Variants in TMEM71 observed in about 807,000 individuals in gnomAD.
TMEM71 encodes transmembrane protein 71.
Under a neutral mutation model 38.0 loss-of-function variants are expected in TMEM71, and 44 were observed. The ratio of observed to expected loss-of-function variants is 1.16; its 90% confidence interval spans 0.91 to 1.49. The LOEUF (loss-of-function observed/expected upper bound fraction) is 1.49. Among genes scored for constraint, TMEM71 ranks in the 40% most tolerant of loss-of-function variants. The pLI is 0.00. For synonymous variants in TMEM71, 133 were observed against 122.5 expected (o/e 1.09, Z -0.56); for missense variants, 367 against 348.6 (o/e 1.05, Z -0.42).
At chr8:132,731,167 A>G (rs1471534071) in intron 5 of TMEM71, among the ~76,000 whole-genome samples, 1 of 152,184 alleles carries the variant, frequency 6.6e-6, no homozygotes, top group Non-Finnish European at 1.5e-5. Flanking sequence ...AGTGAAGGAG[A>G]AGAGACAAAA....
chr8:132,723,749 T>A (rs1282880053), intron 6 of TMEM71, among the ~76,000 whole-genome samples: 5 of 152,124 alleles, frequency 3.3e-5, no homozygotes. Context: ...TGGTACACAG[T>A]TTAGGTGAAG....
downstream of TMEM71, among the ~76,000 whole-genome samples, chr8:132,709,080 T>C (rs1215962127): frequency 6.6e-6 from 1 of 152,222 alleles, no homozygotes; most frequent in Non-Finnish European, 1.5e-5. Flanking sequence ...CGTAAACAGT[T>C]AGTACTATTT....
intron 5 of TMEM71, among the ~76,000 whole-genome samples, chr8:132,744,692 G>A (rs1828236573): frequency 6.6e-6 from 1 of 152,012 alleles, no homozygotes; most frequent in Admixed American, 6.6e-5. Context: ...TAAATTTCAT[G>A]TGGTACCAAA....
chr8:132,730,099 C>T (rs1409297182), intron 5 of TMEM71, among the ~76,000 whole-genome samples: 2 of 152,204 alleles, frequency 1.3e-5, no homozygotes, highest in South Asian at 2.1e-4. Flanking sequence ...GCTGGGATTA[C>T]AGGCATGTGC....
At chr8:132,775,388 A>T in the TMEM71 span, 6 of 375,212 alleles carry the variant, frequency 1.6e-5, no homozygotes, top group Non-Finnish European at 2.8e-5. Context: ...GCGTCGCGTC[A>T]GGGCTGGCCG....
At chr8:132,766,566 G>A in the TMEM71 span, among the ~76,000 whole-genome samples, 4 of 152,060 alleles carry the variant, frequency 2.6e-5, no homozygotes, top group Admixed American at 6.6e-5. Context: ...TTGGGAGGCC[G>A]AGGTAGGCGG....
intron 5 of TMEM71, among the ~76,000 whole-genome samples, chr8:132,732,846 A>T (rs1345998553): frequency 6.6e-6 from 1 of 152,140 alleles, no homozygotes; most frequent in Non-Finnish European, 1.5e-5. Context: ...GAGGCCAGGG[A>T]TGCTATTAAA....
At chr8:132,764,889 A>C (rs116313011), upstream of TMEM71, among the ~76,000 whole-genome samples, 284 of 152,358 alleles carry the variant, frequency 1.9e-3, 2 homozygotes, top group African/African-American at 6.4e-3. Context: ...TATCATTATC[A>C]TAGTAGGCAC....
upstream of TMEM71, among the ~76,000 whole-genome samples, chr8:132,764,897 C>T (rs753133441): frequency 4.6e-5 from 7 of 152,190 alleles, no homozygotes; most frequent in Non-Finnish European, 7.3e-5. Context: ...TCATAGTAGG[C>T]ACTTAATAAT....
At chr8:132,751,752 T>C in intron 4 of TMEM71, 33 bp downstream of exon 4, 1 of 1,582,400 alleles carries the variant, frequency 6.3e-7, no homozygotes, top group Non-Finnish European at 8.7e-7. Context: ...TGGATTGGAC[T>C]TCAGATTTCT....
At chr8:132,707,910 C>A (rs747808309), downstream of TMEM71, among the ~76,000 whole-genome samples, 1 of 152,098 alleles carries the variant, frequency 6.6e-6, no homozygotes, top group Non-Finnish European at 1.5e-5. Context: ...AGTACAGGAA[C>A]CTCGTCTGTA....
At chr8:132,766,338 C>T in the TMEM71 span, among the ~76,000 whole-genome samples, 2 of 147,924 alleles carry the variant, frequency 1.4e-5, no homozygotes. Context: ...TAGGGAAGTA[C>T]ACACCTCCAG....
At chr8:132,769,589 G>A in the TMEM71 span, among the ~76,000 whole-genome samples, 1 of 152,164 alleles carries the variant, frequency 6.6e-6, no homozygotes, top group Non-Finnish European at 1.5e-5. Flanking sequence ...AAGTAACTAT[G>A]TAATGAAGGT....
At chr8:132,757,159 G>T in intron 3 of TMEM71, 75 bp downstream of exon 3, 2 of 1,067,462 alleles carry the variant, frequency 1.9e-6, no homozygotes, top group Non-Finnish European at 2.8e-6. Flanking sequence ...GCCTCCCAAA[G>T]TGCTGGGATT....
chr8:132,751,928 G>A lies in TMEM71; in HGVS notation c.171C>T (p.Ser57=), dbSNP rs150520522. The part of the protein sequence containing the change: ...ECGSIDPLTG[S]HYTCRRSPRL... Reference sequence around the variant, plus strand: ...TGGGACTTCGGCGACAGGTATAGTGGGAGCCTGTCAGGGGATCTATGGAGC... The same window carrying A: ...TGGGACTTCGGCGACAGGTATAGTGAGAGCCTGTCAGGGGATCTATGGAGC... The change falls in exon 4 of 10, where the codon TCC becomes TCT. Residue 57 remains serine (S), a synonymous_variant. Coordinates refer to ENST00000677595, the MANE Select transcript of TMEM71 (RefSeq NM_001382403.1). The A allele has an allele frequency of 1.9e-5, 31 of 1,613,988 alleles. No individual in the cohort carries two copies. The African/African-American group carries it at 4.0e-4, about 21-fold the overall frequency.
At chr8:132,750,230 G>T (rs1385685171) in intron 4 of TMEM71, among the ~76,000 whole-genome samples, 1 of 152,106 alleles carries the variant, frequency 6.6e-6, no homozygotes, top group African/African-American at 2.4e-5. Context: ...AATCATGTGA[G>T]AAACATTTTG....
At chr8:132,746,444 TAC>T (rs769233199) in intron 5 of TMEM71, among the ~76,000 whole-genome samples, 13 of 16,984 alleles carry the variant, frequency 7.7e-4, no homozygotes, top group Admixed American at 2.1e-3. Flanking sequence ...TATATACATA[TAC>T]ATATACATAT....
chr8:132,721,989 T>C (rs1216275084), intron 7 of TMEM71, 51 bp downstream of exon 7: 2 of 1,448,310 alleles, frequency 1.4e-6, no homozygotes, highest in Admixed American at 1.7e-5. Context: ...CAATCAGCTA[T>C]AGTTTCACTA....
chr8:132,746,931 C>T lies in TMEM71; in HGVS notation c.487+11G>A, dbSNP rs371134119. The T allele has an allele frequency of 3.2e-6, 5 of 1,575,922 alleles. No individual in the cohort carries two copies. The highest frequency in any genetic ancestry group is 4.3e-6 in the Non-Finnish European group (5 of 1,164,022). On this transcript the variant is annotated intron_variant, in intron 5 of 9. Coordinates refer to ENST00000677595, the MANE Select transcript of TMEM71 (RefSeq NM_001382403.1). ...TAAAATTTTACTATGGAAAGGAGGA[C>T]TCAAACTCACCATTTCCATTGCAAT...
Sources: allele counts gnomAD v4.1 joint callset (sites outside exome capture counted in the v4.1 genomes callset), GRCh38; gene constraint gnomAD v4.1.1; transcripts MANE v1.5; gene names NCBI Gene and HGNC (gene_info 2026-07-23, HGNC 2026-07-21).